CDH11: variants seen among roughly 807,000 people sequenced by gnomAD.
CDH11 encodes the protein cadherin-11.
In CDH11, 11 loss-of-function variants were observed where a neutral mutation model predicts 67.8. The ratio of observed to expected loss-of-function variants is 0.16; its 90% CI spans 0.10 to 0.27. The LOEUF (loss-of-function observed/expected upper bound fraction) is 0.27. CDH11 is among the 10% of genes least tolerant of loss of function. The pLI is 1.00. For missense variants in CDH11, 847 were observed against 1,031.2 expected (o/e 0.82, Z 2.45); for synonymous variants, 419 against 400.0 (o/e 1.05, Z -0.57).
At chr16:65,030,273 A>T (rs987200310) in intron 2 of CDH11, among the ~76,000 whole-genome samples, 4 of 152,228 alleles carry the variant, frequency 2.6e-5, no homozygotes, top group Non-Finnish European at 5.9e-5. Flanking sequence ...CTTTCAGTAT[A>T]TCTACAGTTT....
chr16:65,041,290 T>C (rs890967550), intron 2 of CDH11, among the ~76,000 whole-genome samples: 2 of 152,002 alleles, frequency 1.3e-5, no homozygotes, highest in African/African-American at 4.8e-5. Flanking sequence ...TACCAACTGA[T>C]TGACCAATCG....
In CDH11 at chr16:64,992,938, T is replaced by C. The variant is rs375187807; in HGVS notation, c.620A>G (p.Tyr207Cys). The C allele has an allele frequency of 6.2e-7, 1 of 1,613,390 alleles. No individual in the cohort carries two copies. Among genetic ancestry groups the C allele is most frequent in the African/African-American group, 1.3e-5 (1 of 74,882 alleles). The change falls in exon 5 of 13, where the codon TAT becomes TGT. Residue 207 changes from tyrosine (Y) to cysteine (C), a missense_variant. Physicochemically the swap from Tyr to Cys is radical, Grantham distance 194. This residue lies in a region of CDH11 where 235 missense variants were observed against 352.5 expected (regional missense o/e 0.67). Coordinates refer to ENST00000268603, the MANE Select transcript of CDH11 (RefSeq NM_001797.4). ...LVYSILEGQP[Y>C]FSVEAQTGII... ...ACCTGTCTGTGCTTCCACCGAAAAA[T>C]AGGGTTGTCCTTCGAGGATACTGTA... is the stretch of plus-strand genomic sequence containing the variant.
intron 1 of CDH11, among the ~76,000 whole-genome samples, chr16:65,119,803 T>C (rs182805968): frequency 1.3e-5 from 2 of 152,360 alleles, no homozygotes; most frequent in East Asian, 1.9e-4. Flanking sequence ...TAATTTACAA[T>C]GTTTCAAAAG....
chr16:64,947,374 C>A lies in CDH11; in HGVS notation c.*229G>T. On this transcript the variant is annotated 3_prime_UTR_variant, in exon 13 of 13. Coordinates refer to ENST00000268603, the MANE Select transcript of CDH11 (RefSeq NM_001797.4). Reference sequence around the variant, plus strand: ...TTTGTATGCCAAGTGTTTTTTTTTTCTAGCGAAGTTGATAAACAACTTCAA... The same window carrying A: ...TTTGTATGCCAAGTGTTTTTTTTTTATAGCGAAGTTGATAAACAACTTCAA... 2 of 1,242,900 alleles carry A rather than the reference C, an allele frequency of 1.6e-6. No homozygotes were observed. 77.0% of individuals were successfully genotyped at this position (1,242,900 alleles called of 1,614,324 possible).
chr16:65,054,539 T>C (rs2074113426), intron 1 of CDH11, among the ~76,000 whole-genome samples: 1 of 152,174 alleles, frequency 6.6e-6, no homozygotes, highest in Non-Finnish European at 1.5e-5. Flanking sequence ...AAATGGGGGC[T>C]GTGTTCTGCT....
chr16:64,966,248 G>A (rs2071824335), intron 11 of CDH11, among the ~76,000 whole-genome samples: 1 of 151,956 alleles, frequency 6.6e-6, no homozygotes, highest in Non-Finnish European at 1.5e-5. Flanking sequence ...TTGATTCAAT[G>A]GAAAGTCAGA....
intron 2 of CDH11, among the ~76,000 whole-genome samples, chr16:65,030,115 T>C (rs1461647538): frequency 6.6e-6 from 1 of 152,184 alleles, no homozygotes; most frequent in Non-Finnish European, 1.5e-5. Context: ...GCCTGGATAA[T>C]GTTACAAACT....
intron 11 of CDH11, among the ~76,000 whole-genome samples, chr16:64,956,507 T>C (rs555425417): frequency 6.6e-6 from 1 of 152,352 alleles, no homozygotes; most frequent in African/African-American, 2.4e-5. Context: ...TCCTGGACAA[T>C]ATATTTCCCA....
intron 11 of CDH11, among the ~76,000 whole-genome samples, chr16:64,955,345 G>A (rs2071480117): frequency 6.6e-6 from 1 of 152,094 alleles, no homozygotes; most frequent in Non-Finnish European, 1.5e-5. Context: ...AGGAGGCTGA[G>A]ACAAAAGAAC....
At chr16:64,966,545 A>C (rs567869889) in intron 11 of CDH11, among the ~76,000 whole-genome samples, 1 of 152,218 alleles carries the variant, frequency 6.6e-6, no homozygotes, top group African/African-American at 2.4e-5. Context: ...AGAAAGTTAA[A>C]AAAATCTAAT....
intron 7 of CDH11, among the ~76,000 whole-genome samples, chr16:64,983,681 C>T (rs1376025709): frequency 6.6e-6 from 1 of 152,182 alleles, no homozygotes; most frequent in East Asian, 1.9e-4. Context: ...TTTCCTAAAT[C>T]TAAATCTGCC....
Position 64,972,021 on chromosome 16 carries a change from G to A in CDH11, c.1434C>T (p.Val478=). ...TGGGAGCATTATCGTTGACATCAAG[G>A]ACCCTAATGGCCACTGGGACTTTGG... The part of the protein sequence containing the change: ...QEAKVPVAIR[V]LDVNDNAPKF... The change falls in exon 10 of 13, where the codon GTC becomes GTT. Residue 478 remains valine, a synonymous_variant. Coordinates refer to ENST00000268603, the MANE Select transcript of CDH11 (RefSeq NM_001797.4). The A allele has an allele frequency of 6.2e-7, 1 of 1,613,300 alleles. No homozygotes were observed. Among genetic ancestry groups the A allele is most frequent in the Non-Finnish European group, 8.5e-7 (1 of 1,179,290 alleles).
intron 11 of CDH11, among the ~76,000 whole-genome samples, chr16:64,964,695 C>A (rs1025283215): frequency 7.2e-5 from 11 of 151,990 alleles, no homozygotes; most frequent in Non-Finnish European, 1.5e-4. Context: ...ACTACAGGCA[C>A]CCGCCACCAC....
intron 1 of CDH11, among the ~76,000 whole-genome samples, chr16:65,120,767 C>G (rs1485586113): frequency 6.6e-6 from 1 of 152,168 alleles, no homozygotes; most frequent in African/African-American, 2.4e-5. Flanking sequence ...GAGAGGCAGG[C>G]GCGGCGAGCC....
chr16:64,958,909 GAC>G (rs563112960), intron 11 of CDH11, among the ~76,000 whole-genome samples: 145 of 152,210 alleles, frequency 9.5e-4, no homozygotes, highest in African/African-American at 3.3e-3. Flanking sequence ...AGCATTTCCA[GAC>G]ACAGACATAC....
At chr16:65,081,430 A>G (rs955509795) in intron 1 of CDH11, among the ~76,000 whole-genome samples, 8 of 152,242 alleles carry the variant, frequency 5.3e-5, no homozygotes, top group African/African-American at 1.9e-4. Flanking sequence ...TTAGCCGGGC[A>G]TGGTGGCGGG....
At chr16:65,019,803 A>G (rs529319502) in intron 2 of CDH11, among the ~76,000 whole-genome samples, 19 of 152,166 alleles carry the variant, frequency 1.2e-4, no homozygotes, top group Admixed American at 2.6e-4. Context: ...ATTATTTACA[A>G]GGTTAATTTT....
Position 64,996,057 on chromosome 16 carries a change from T to C in CDH11, c.523+2505A>G, listed in dbSNP as rs1280437809. ...TAATGAGAAACCATCTCCCACTAGT[T>C]AGAATAGCTATGATTAAAAAGTCAA... On this transcript the variant is annotated intron_variant, in intron 4 of 12. Transcript: ENST00000268603. Among the ~76,000 whole-genome samples the C allele has an allele frequency of 3.3e-5, 5 of 152,102 alleles. No individual in the cohort carries two copies. In the East Asian group the frequency reaches 7.7e-4, roughly 23 times the overall value.
At position 65,115,617 on chromosome 16, in the gene CDH11, G is replaced by A. The variant is rs192704188; in HGVS notation, c.-298+6263C>T. ...CTATCATTACCAAGAAGACACCTGA[G>A]TCTTGGGGAGCTTATATAGCTTATT... On this transcript the variant is annotated intron_variant, in intron 1 of 12. Coordinates refer to ENST00000268603, the MANE Select transcript of CDH11 (RefSeq NM_001797.4). Among the ~76,000 whole-genome samples, 758 of 147,120 alleles carry A rather than the reference G, an allele frequency of 5.2e-3. 7 individuals carry two copies. The highest frequency in any genetic ancestry group is 0.018 in the African/African-American group (731 of 39,726).
Sources: allele counts gnomAD v4.1 joint callset (sites outside exome capture counted in the v4.1 genomes callset), GRCh38; gene constraint gnomAD v4.1.1; regional missense constraint gnomAD v4.1.1; transcripts MANE v1.5; gene names NCBI Gene and HGNC (gene_info 2026-07-23, HGNC 2026-07-21).